DOCK8: variants seen among roughly 807,000 people sequenced by gnomAD.
The protein encoded by DOCK8 is dedicator of cytokinesis 8, also known as dedicator of cytokinesis protein 8.
Under a neutral mutation model 245.6 loss-of-function variants are expected in DOCK8, and 141 were observed. The ratio of observed to expected loss-of-function variants is 0.57; its 90% confidence interval spans 0.50 to 0.66. The LOEUF is 0.66. Ranked by LOEUF, DOCK8 falls within the 30% of genes least tolerant of loss-of-function variation. The pLI, the probability that DOCK8 is intolerant of heterozygous loss-of-function variation, is 0.00. For synonymous variants in DOCK8, 1,168 were observed against 970.2 expected, an observed-to-expected ratio of 1.20 and a Z score of -3.79; for missense variants, 2,965 against 2,603.4, an observed-to-expected ratio of 1.14 and a Z score of -3.02.
At chr9:271,549 A>G in intron 1 of DOCK8, 78 bp from the exon 2 acceptor site, 1 of 1,132,150 alleles carries the variant, frequency 8.8e-7, no homozygotes, top group South Asian at 1.3e-5. Context: ...TTATAACATG[A>G]TATCAAAGAT....
At chr9:221,075 G>A (rs994037914) in intron 1 of DOCK8, among the ~76,000 whole-genome samples, 1 of 152,188 alleles carries the variant, frequency 6.6e-6, no homozygotes, top group African/African-American at 2.4e-5. Context: ...ATCGACAACA[G>A]TGGGGGTATA....
At chr9:378,401 G>A (rs1235611801) in intron 20 of DOCK8, among the ~76,000 whole-genome samples, 1 of 152,248 alleles carries the variant, frequency 6.6e-6, no homozygotes, top group Non-Finnish European at 1.5e-5. Context: ...GTGGAAGTGG[G>A]CTGGGACAAT....
chr9:215,090 G>A (rs1183719221), intron 1 of DOCK8, 61 bp downstream of exon 1: 16 of 1,520,668 alleles, frequency 1.1e-5, no homozygotes, highest in Middle Eastern at 1.9e-4. Flanking sequence ...GTGTGAAGCG[G>A]AGCTTCGCTG....
chr9:315,216 C>G (rs1417121469), intron 6 of DOCK8, among the ~76,000 whole-genome samples: 1 of 152,192 alleles, frequency 6.6e-6, no homozygotes, highest in East Asian at 1.9e-4. Flanking sequence ...CTCTCTCATA[C>G]TGTCTCTTTC....
intron 14 of DOCK8, among the ~76,000 whole-genome samples, chr9:361,934 C>A (rs1438825164): frequency 6.6e-6 from 1 of 152,194 alleles, no homozygotes; most frequent in Admixed American, 6.5e-5. Context: ...TTTCACTCAA[C>A]ATTATACACT....
Position 414,958 on chromosome 9 carries a change from G to A in DOCK8, c.3700+7G>A. 1 of 1,612,798 alleles carries A rather than the reference G, an allele frequency of 6.2e-7. No homozygotes were observed. The highest frequency in any genetic ancestry group is 8.5e-7 in the Non-Finnish European group (1 of 1,179,962). The stretch of plus-strand genomic sequence containing the variant: ...CAGCTCTGTGACTTTACAGGTAATG[G>A]CCCTTCTGTTTTCTTTCTTGGATTG... On this transcript the variant is annotated splice_region_variant and intron_variant, in intron 29 of 47. Coordinates refer to ENST00000432829, the MANE Select transcript of DOCK8 (RefSeq NM_203447.4).
intron 1 of DOCK8, among the ~76,000 whole-genome samples, chr9:260,485 C>A (rs528106720): frequency 5.9e-5 from 9 of 152,176 alleles, no homozygotes; most frequent in Non-Finnish European, 7.3e-5. Flanking sequence ...GTATTTTGTG[C>A]ACTTTCTTTA....
chr9:365,574 CT>C (rs35000707), intron 14 of DOCK8: 82,984 of 328,980 alleles, frequency 0.25, 416 homozygotes, highest in South Asian at 0.34. Context: ...TCAGAGAAGG[CT>C]TTTTTTTTTT....
intron 1 of DOCK8, among the ~76,000 whole-genome samples, chr9:233,493 G>A (rs1393159307): frequency 6.6e-6 from 1 of 151,980 alleles, no homozygotes; most frequent in East Asian, 1.9e-4. Context: ...TGTTGACAGT[G>A]GGGTGTTAAA....
chr9:245,381 A>G (rs2047483699), intron 1 of DOCK8, among the ~76,000 whole-genome samples: 2 of 151,444 alleles, frequency 1.3e-5, no homozygotes, highest in Non-Finnish European at 2.9e-5. Context: ...ATTTTTTTGT[A>G]TTTTTTTGTA....
At chr9:336,760 C>G in intron 12 of DOCK8, 42 bp downstream of exon 12, 1 of 1,613,000 alleles carries the variant, frequency 6.2e-7, no homozygotes, top group East Asian at 2.2e-5. Context: ...TTTCCCCATA[C>G]TGGCATGGGC....
chr9:279,810 C>T (rs922397929), intron 2 of DOCK8, among the ~76,000 whole-genome samples: 2 of 152,214 alleles, frequency 1.3e-5, no homozygotes, highest in Non-Finnish European at 2.9e-5. Context: ...CAGCTGGAGA[C>T]ATCATGCCTC....
chr9:215,383 A>G (rs1174252793), intron 1 of DOCK8: 1 of 1,585,902 alleles, frequency 6.3e-7, no homozygotes, highest in Non-Finnish European at 8.6e-7. Context: ...TGGGCGCGCC[A>G]CGGAGTGTCT....
rs368538451 is a variant in DOCK8, at chr9:439,258, A to T, written c.5093A>T (p.Asn1698Ile). 3 of 1,613,842 alleles carry T rather than the reference A, an allele frequency of 1.9e-6. No individual in the cohort carries two copies. The highest frequency in any genetic ancestry group is 2.5e-6 in the Non-Finnish European group (3 of 1,179,940). ...GGTCTCTTTCAGAATATTTCTTCCA[A>T]TGTGCTGGAGGAGTCTGTGGTCTCT... ...GSVSFQNISS[N>I]VLEESVVSED... The change falls in exon 40 of 48, where the codon AAT becomes ATT. Residue 1698 changes from asparagine (N) to isoleucine (I), a missense_variant. Transcript: ENST00000432829.
At chr9:337,380 A>G (rs901907208) in intron 12 of DOCK8, among the ~76,000 whole-genome samples, 5 of 152,308 alleles carry the variant, frequency 3.3e-5, no homozygotes, top group African/African-American at 9.6e-5. Context: ...AATGTTAGCT[A>G]TTTTAACTGA....
intron 3 of DOCK8, among the ~76,000 whole-genome samples, chr9:288,572 T>A (rs976860427): frequency 7.9e-5 from 12 of 152,202 alleles, no homozygotes; most frequent in African/African-American, 2.7e-4. Flanking sequence ...CATATATGCG[T>A]CTTATTGTGT....
At chr9:406,267 G>A (rs2055411714) in intron 27 of DOCK8, among the ~76,000 whole-genome samples, 1 of 152,100 alleles carries the variant, frequency 6.6e-6, no homozygotes, top group Non-Finnish European at 1.5e-5. Context: ...GCCAAAGGGA[G>A]TGGAATACTT....
rs951152261 is a variant in DOCK8 at position 341,729 on chromosome 9, A to G, written c.1679+1408A>G. Among the ~76,000 whole-genome samples the G allele has an allele frequency of 4.6e-5, 7 of 152,248 alleles. 1 individual carries two copies. Among genetic ancestry groups the G allele is most frequent in the Non-Finnish European group, 1.0e-4 (7 of 68,044 alleles). On this transcript the variant is annotated intron_variant, in intron 14 of 47. Coordinates refer to ENST00000432829, the MANE Select transcript of DOCK8 (RefSeq NM_203447.4). ...GTCAGGGGTCCCCAACCCCCGGGCC[A>G]TAGACCATTACTGGTCCTTGGCCTG...
At position 453,855 on chromosome 9, in the gene DOCK8, T is replaced by G. The variant is rs146668862; in HGVS notation, c.6068+1738T>G. ...TATTTTTATTTAAAATTCATTATGGTTGAATGCTTCCAAAGTTGACTATGC... is the reference window on the plus strand; with the variant it reads ...TATTTTTATTTAAAATTCATTATGGGTGAATGCTTCCAAAGTTGACTATGC... On this transcript the variant is annotated intron_variant, in intron 46 of 47. Coordinates refer to ENST00000432829, the MANE Select transcript of DOCK8 (RefSeq NM_203447.4). Among the ~76,000 whole-genome samples, 111 of 152,332 alleles carry G rather than the reference T, an allele frequency of 7.3e-4. No homozygotes were observed. In the East Asian group the frequency reaches 0.018, roughly 25 times the overall value.
Sources: gnomAD v4.1 joint callset for allele counts (sites outside exome capture counted in the v4.1 genomes callset) on GRCh38, gnomAD v4.1.1 for gene constraint, MANE v1.5 for transcripts, NCBI Gene and HGNC (gene_info 2026-07-23, HGNC 2026-07-21) for gene names.